The following NPL variants were observed in gnomAD, a reference collection of about 807,000 sequenced individuals.
NPL encodes the protein N-acetylneuraminate lyase.
In NPL, 32 loss-of-function variants were observed where a neutral mutation model predicts 41.1. The ratio of observed to expected loss-of-function variants is 0.78; its 90% CI spans 0.59 to 1.05. The LOEUF (loss-of-function observed/expected upper bound fraction) is 1.05, where lower values mean the gene tolerates loss of function less well. Among genes scored for constraint, NPL ranks in the 50% least tolerant of loss-of-function variants. NPL has a pLI of 0.00. For synonymous variants in NPL, 128 were observed against 134.9 expected (o/e 0.95, Z 0.35); for missense variants, 321 against 378.4 (o/e 0.85, Z 1.26).
rs751910301 is a variant in NPL at position 182,822,161 on chromosome 1, T to G, written c.700T>G (p.Phe234Val). 7.4e-6 allele frequency: 12 copies of G among 1,613,750 alleles called. No homozygotes were observed. The highest frequency in any genetic ancestry group is 1.0e-5 in the Non-Finnish European group (12 of 1,179,724). ...GKKTNQMLEAFEQKDFSLALN... is the reference protein window; with the variant it reads ...GKKTNQMLEAVEQKDFSLALN... ...AAAGACAAACCAGATGTTGGAGGCT[T>G]TTGAACAAAAGGACTTCTCTTTAGC... The change falls in exon 11 of 13, where the codon TTT (phenylalanine) becomes GTT (valine). Residue 234 changes from phenylalanine (F) to valine (V), a missense_variant. Physicochemically the swap from Phe to Val is conservative, Grantham distance 50. Transcript: ENST00000367553.
chr1:182,814,227 A>G (rs905020429), intron 6 of NPL, among the ~76,000 whole-genome samples: 4 of 152,234 alleles, frequency 2.6e-5, no homozygotes, highest in African/African-American at 7.2e-5. Flanking sequence ...AGGTTTAGGT[A>G]CTTTATTTGA....
chr1:182,803,248 G>A (rs940269639), intron 3 of NPL, among the ~76,000 whole-genome samples: 1 of 152,168 alleles, frequency 6.6e-6, no homozygotes, highest in East Asian at 1.9e-4. Context: ...GGACAGGCCA[G>A]GCATGATGGC....
chr1:182,804,129 T>C (rs1666935393), intron 4 of NPL, among the ~76,000 whole-genome samples: 1 of 152,060 alleles, frequency 6.6e-6, no homozygotes, highest in Non-Finnish European at 1.5e-5. Context: ...CTTCTCTCTT[T>C]TGTTTATTTA....
At chr1:182,791,380 G>A (rs1207480210) in intron 1 of NPL, 4 of 152,152 alleles carry the variant, frequency 2.6e-5, no homozygotes, top group Admixed American at 2.6e-4. Flanking sequence ...CAAACAGTTT[G>A]TTCAGCTGGG....
chr1:182,795,841 G>A (rs1666647010), intron 3 of NPL: 1 of 152,172 alleles, frequency 6.6e-6, no homozygotes, highest in East Asian at 1.9e-4. Context: ...CTGTTACAGA[G>A]TGAGATCCTT....
At chr1:182,809,993 A>T (rs1245025092) in intron 5 of NPL, 1 of 152,170 alleles carries the variant, frequency 6.6e-6, no homozygotes, top group African/African-American at 2.4e-5. Context: ...TCCTTTCTCC[A>T]TTCAGAAGTC....
At chr1:182,798,479 C>T (rs1023762056) in intron 3 of NPL, among the ~76,000 whole-genome samples, 5 of 152,140 alleles carry the variant, frequency 3.3e-5, no homozygotes, top group African/African-American at 1.2e-4. Context: ...CCGCCCGTCT[C>T]GGCCTCCCAA....
chr1:182,793,210 C>T (rs753184824), intron 2 of NPL, among the ~76,000 whole-genome samples: 2 of 152,102 alleles, frequency 1.3e-5, no homozygotes, highest in Non-Finnish European at 2.9e-5. Flanking sequence ...AACAATAATG[C>T]TTCTAGAACT....
At chr1:182,826,422 T>C (rs904339651) in intron 12 of NPL, 1 of 153,754 alleles carries the variant, frequency 6.5e-6, no homozygotes, top group African/African-American at 2.4e-5. Flanking sequence ...CTTGGGCCAA[T>C]TGAATCTGCG....
At chr1:182,822,357 A>C (rs79280903) in intron 11 of NPL, among the ~76,000 whole-genome samples, 158 bp downstream of exon 11, 3,573 of 152,268 alleles carry the variant, frequency 0.023, 141 homozygotes, top group African/African-American at 0.081. Flanking sequence ...TTTAAAACCA[A>C]AGCTGTCCCC....
At chr1:182,815,750 G>A (rs769363580) in intron 7 of NPL, among the ~76,000 whole-genome samples, 5 of 152,014 alleles carry the variant, frequency 3.3e-5, no homozygotes, top group African/African-American at 4.8e-5. Context: ...ACTTACAGGC[G>A]CATGCCACCA....
chr1:182,818,655 A>G lies in NPL; in HGVS notation c.572A>G (p.Gln191Arg), dbSNP rs1186311062. 5 of 1,614,108 alleles carry G rather than the reference A, an allele frequency of 3.1e-6. No homozygotes were observed. The African/African-American group carries it at 4.0e-5, about 13-fold the overall frequency. ...DFGQCVDQNR[Q>R]QQFAFLFGVD... ...GGGCAATGTGTTGATCAGAATCGCC[A>G]GCAACAGTTTGCTTTCCTTTTTGGG... Residue 191 changes from glutamine (Q) to arginine (R), a missense_variant, in exon 9 of 13, where the codon CAG becomes CGG. Coordinates refer to ENST00000367553, the MANE Select transcript of NPL (RefSeq NM_030769.3).
chr1:182,814,259 G>C (rs1256360979), intron 6 of NPL, among the ~76,000 whole-genome samples: 8 of 152,214 alleles, frequency 5.3e-5, no homozygotes. Context: ...AGTGTTATAA[G>C]GGTCCAGCAA....
chr1:182,806,242 T>A lies in NPL; in HGVS notation c.230+10T>A. On this transcript the variant is annotated intron_variant, in intron 5 of 12. Coordinates refer to ENST00000367553, the MANE Select transcript of NPL (RefSeq NM_030769.3). ...CAAAAGGGAAGGACAAGTGAGTGGC[T>A]GCATGAGGATAAAAATGCCCTTTGG... is the stretch of plus-strand genomic sequence containing the variant. The A allele has an allele frequency of 6.2e-7, 1 of 1,614,232 alleles. No individual in the cohort carries two copies. Among genetic ancestry groups the A allele is most frequent in the East Asian group, 2.2e-5 (1 of 44,882 alleles).
At chr1:182,826,069 C>T (rs1667623595) in intron 12 of NPL, 1 of 571,814 alleles carries the variant, frequency 1.7e-6, no homozygotes, top group Non-Finnish European at 3.1e-6. Flanking sequence ...TCTCCTAAAC[C>T]ATCAGCACTC....
At chr1:182,812,983 T>C (rs1237122617) in intron 6 of NPL, among the ~76,000 whole-genome samples, 1 of 151,736 alleles carries the variant, frequency 6.6e-6, no homozygotes, top group Non-Finnish European at 1.5e-5. Context: ...TGAAACCTTG[T>C]CTCTACTAAA....
intron 6 of NPL, among the ~76,000 whole-genome samples, chr1:182,813,251 A>G (rs923282686): frequency 1.3e-5 from 2 of 151,960 alleles, no homozygotes; most frequent in Non-Finnish European, 2.9e-5. Context: ...GAACTTAGAT[A>G]TTCTACCTCT....
intron 1 of NPL, among the ~76,000 whole-genome samples, chr1:182,790,933 G>A (rs1666496145): frequency 6.6e-6 from 1 of 152,118 alleles, no homozygotes; most frequent in African/African-American, 2.4e-5. Flanking sequence ...TTGAGCCACC[G>A]CGCCCGGCCA....
Position 182,829,154 on chromosome 1 carries a change from A to G in NPL, c.*246A>G, listed in dbSNP as rs1667705611. The G allele has an allele frequency of 1.5e-6, 2 of 1,350,196 alleles. No homozygotes were observed. The highest frequency in any genetic ancestry group is 3.4e-5 in the South Asian group (2 of 58,594). 83.6% of individuals were successfully genotyped at this position (1,350,196 alleles called of 1,614,324 possible). On this transcript the variant is annotated 3_prime_UTR_variant, in exon 13 of 13. Coordinates refer to ENST00000367553, the MANE Select transcript of NPL (RefSeq NM_030769.3). ...TTTTTGTGGAGAAATTTCTGTTTATATGGATGAAATGGAATCAAGAGGAAA... is the reference window on the plus strand; with the variant it reads ...TTTTTGTGGAGAAATTTCTGTTTATGTGGATGAAATGGAATCAAGAGGAAA...
Sources: allele counts gnomAD v4.1 joint callset (sites outside exome capture counted in the v4.1 genomes callset), GRCh38; gene constraint gnomAD v4.1.1; transcripts MANE v1.5; gene names NCBI Gene and HGNC (gene_info 2026-07-23, HGNC 2026-07-21).